The following IL1RAPL2 variants were observed in gnomAD, a reference collection of about 807,000 sequenced individuals.
The protein encoded by IL1RAPL2 is X-linked interleukin-1 receptor accessory protein-like 2.
In IL1RAPL2, 3 loss-of-function variants were observed where a neutral mutation model predicts 44.1. The observed-to-expected ratio is 0.07, with a 90% confidence interval of 0.03 to 0.18. The LOEUF (loss-of-function observed/expected upper bound fraction) is 0.18. Ranked by LOEUF, IL1RAPL2 falls within the 10% of genes least tolerant of loss-of-function variation. The pLI, the probability that IL1RAPL2 is intolerant of heterozygous loss-of-function variation, is 1.00. For synonymous variants in IL1RAPL2, 181 were observed against 178.8 expected (o/e 1.01, Z -0.10); for missense variants, 391 against 496.4 (o/e 0.79, Z 2.02).
chrX:105,529,173 T>C (rs1172425635), intron 6 of IL1RAPL2, among the ~76,000 whole-genome samples: 2 of 111,544 alleles, frequency 1.8e-5, no homozygotes, highest in Non-Finnish European at 3.8e-5. Flanking sequence ...GACAGGAATA[T>C]GATTTGGGTG....
intron 2 of IL1RAPL2, among the ~76,000 whole-genome samples, chrX:105,191,273 T>C (rs1224437795): frequency 2.7e-5 from 3 of 112,816 alleles, no homozygotes; most frequent in Non-Finnish European, 5.6e-5. Flanking sequence ...TGGAGTGCAA[T>C]GGCACGATCT....
At chrX:104,964,312 A>AT (rs1396561218) in intron 2 of IL1RAPL2, among the ~76,000 whole-genome samples, 10 of 95,152 alleles carry the variant, frequency 1.1e-4, no homozygotes, top group African/African-American at 3.3e-4. Context: ...TTATTTATTT[A>AT]TTTATTTTAT....
intron 7 of IL1RAPL2, among the ~76,000 whole-genome samples, chrX:105,736,302 A>G (rs2038448164): frequency 9.0e-6 from 1 of 111,012 alleles, no homozygotes; most frequent in African/African-American, 3.3e-5. Context: ...TTATAGACAT[A>G]GAATCTGGCA....
In IL1RAPL2 at chrX:104,904,375, A is replaced by G. The variant is rs1289482031; in HGVS notation, c.82+245380A>G. On this transcript the variant is annotated intron_variant, in intron 2 of 10. Coordinates refer to ENST00000372582, the MANE Select transcript of IL1RAPL2 (RefSeq NM_017416.2). Reference sequence around the variant, plus strand: ...GTGCAGGTTAGTTACATATGTATACATGTGCCATGCTGGTGCGCTGCACCC... The same window carrying G: ...GTGCAGGTTAGTTACATATGTATACGTGTGCCATGCTGGTGCGCTGCACCC... Among the ~76,000 whole-genome samples, 3 of 107,540 alleles carry G rather than the reference A, an allele frequency of 2.8e-5. No homozygotes were observed. The Admixed American group carries it at 3.0e-4, about 11-fold the overall frequency. The allele number at this position is 107,540 out of a possible 115,157, so 93.4% of individuals were successfully genotyped here.
chrX:104,959,702 C>T (rs773628767), intron 2 of IL1RAPL2, among the ~76,000 whole-genome samples: 4 of 111,136 alleles, frequency 3.6e-5, no homozygotes, highest in African/African-American at 9.8e-5. Flanking sequence ...GGTGACCATC[C>T]ACAGCAAAGG....
At chrX:104,959,173 C>T (rs2029956690) in intron 2 of IL1RAPL2, among the ~76,000 whole-genome samples, 1 of 110,804 alleles carries the variant, frequency 9.0e-6, no homozygotes, top group Non-Finnish European at 1.9e-5. Context: ...GCATGAACAC[C>T]TTAACTTCTC....
At chrX:105,353,838 G>T (rs1289348900) in intron 5 of IL1RAPL2, among the ~76,000 whole-genome samples, 3 of 111,264 alleles carry the variant, frequency 2.7e-5, no homozygotes, top group African/African-American at 9.8e-5. Context: ...TTGGGCTGAG[G>T]CGATGGGGTT....
chrX:105,478,813 G>A (rs2036214607), intron 5 of IL1RAPL2, among the ~76,000 whole-genome samples: 1 of 111,636 alleles, frequency 9.0e-6, no homozygotes, highest in Non-Finnish European at 1.9e-5. Context: ...AATACCACCG[G>A]GAAGTTAATT....
intron 2 of IL1RAPL2, among the ~76,000 whole-genome samples, chrX:105,164,863 C>T (rs1344270219): frequency 1.8e-5 from 2 of 112,035 alleles, no homozygotes; most frequent in Non-Finnish European, 3.8e-5. Context: ...AGATTAAACA[C>T]GTCATTTTAA....
intron 6 of IL1RAPL2, among the ~76,000 whole-genome samples, chrX:105,505,329 G>A (rs2036423953): frequency 9.0e-6 from 1 of 111,523 alleles, no homozygotes; most frequent in South Asian, 3.7e-4. Context: ...TCTAGCAGGG[G>A]AGACAGAGAT....
intron 10 of IL1RAPL2, among the ~76,000 whole-genome samples, chrX:105,764,672 G>C (rs1569472938): frequency 9.0e-6 from 1 of 111,267 alleles, no homozygotes; most frequent in African/African-American, 3.3e-5. Flanking sequence ...CGAGCATGGT[G>C]GCTGGCACCT....
chrX:105,716,157 A>G (rs903886109), intron 6 of IL1RAPL2, among the ~76,000 whole-genome samples: 21 of 103,092 alleles, frequency 2.0e-4, no homozygotes, highest in Non-Finnish European at 3.8e-4. Context: ...GACACAATGG[A>G]AAAAAAAACT....
chrX:104,917,932 G>T (rs891755054), intron 2 of IL1RAPL2, among the ~76,000 whole-genome samples: 4 of 111,699 alleles, frequency 3.6e-5, no homozygotes, highest in African/African-American at 1.3e-4. Flanking sequence ...TCTATAATCT[G>T]TGCTGATCTG....
intron 2 of IL1RAPL2, among the ~76,000 whole-genome samples, chrX:105,125,583 C>T (rs1484807650): frequency 9.0e-6 from 1 of 111,399 alleles, no homozygotes; most frequent in Non-Finnish European, 1.9e-5. Context: ...TAGAAGTTCT[C>T]TGATTATGTT....
chrX:105,447,327 A>G (rs1256364822), intron 5 of IL1RAPL2, among the ~76,000 whole-genome samples: 2 of 65,503 alleles, frequency 3.1e-5, no homozygotes, highest in Admixed American at 5.7e-4. Flanking sequence ...ATATAAATAT[A>G]TATAAAAATA....
chrX:105,570,542 T>A (rs1482520), intron 6 of IL1RAPL2, among the ~76,000 whole-genome samples: 1 of 110,948 alleles, frequency 9.0e-6, no homozygotes, highest in Non-Finnish European at 1.9e-5. Context: ...CACAGTGGTT[T>A]TTCTAGTTTA....
chrX:105,658,345 T>C (rs1475358912), intron 6 of IL1RAPL2, among the ~76,000 whole-genome samples: 2 of 111,912 alleles, frequency 1.8e-5, no homozygotes, highest in Admixed American at 1.9e-4. Context: ...ACAGTATAAC[T>C]GGGCTTTGGG....
chrX:105,743,175 A>G (rs1011332209), intron 8 of IL1RAPL2, among the ~76,000 whole-genome samples: 1 of 111,570 alleles, frequency 9.0e-6, no homozygotes, highest in Non-Finnish European at 1.9e-5. Context: ...CACAACAGTC[A>G]GAAGGATCAT....
chrX:104,727,448 A>T (rs745754635), intron 2 of IL1RAPL2, among the ~76,000 whole-genome samples: 48 of 111,586 alleles, frequency 4.3e-4, no homozygotes, highest in African/African-American at 1.4e-3. Context: ...TCCTGGAAAG[A>T]TTGCGGAGAA....
Sources: allele counts gnomAD v4.1 joint callset (sites outside exome capture counted in the v4.1 genomes callset), GRCh38; gene constraint gnomAD v4.1.1; transcripts MANE v1.5; gene names NCBI Gene and HGNC (gene_info 2026-07-23, HGNC 2026-07-21).